Variants in STX16 observed in about 807,000 individuals in gnomAD.
STX16 encodes the protein syntaxin 16.
In STX16, 28 loss-of-function variants were observed where a neutral mutation model predicts 42.7. That is an observed-to-expected ratio of 0.66 (90% CI 0.49 to 0.90). The LOEUF is 0.90. Ranked by LOEUF, STX16 falls within the 40% of genes least tolerant of loss-of-function variation. STX16 has a pLI of 0.00. For synonymous variants in STX16, 156 were observed against 155.2 expected, an observed-to-expected ratio of 1.00 and a Z score of -0.04; for missense variants, 361 against 420.9, an observed-to-expected ratio of 0.86 and a Z score of 1.24.
Position 58,652,080 on chromosome 20 carries a change from C to T in STX16, c.74C>T (p.Ala25Val). Reference protein sequence around the residue: ...NNSIQNRQLLAEQVSSHITSS... With the variant: ...NNSIQNRQLLVEQVSSHITSS... ...TCCATCCAAAACCGGCAGCTGTTAG[C>T]CGAGCAAGTGAGTAGTCACATCACC... Residue 25 changes from alanine (A) to valine (V), a missense_variant, in exon 1 of 9, where the codon GCC (alanine) becomes GTC (valine). By Grantham distance (64) the Ala-to-Val change is moderately conservative (BLOSUM62 0). Coordinates refer to ENST00000371141, the MANE Select transcript of STX16 (RefSeq NM_001001433.3). The T allele has an allele frequency of 1.2e-6, 2 of 1,614,210 alleles. No homozygotes were observed. Among genetic ancestry groups the T allele is most frequent in the Non-Finnish European group, 1.7e-6 (2 of 1,180,042 alleles).
chr20:58,675,379 C>G (rs922277305), intron 8 of STX16, among the ~76,000 whole-genome samples: 1 of 152,232 alleles, frequency 6.6e-6, no homozygotes, highest in Non-Finnish European at 1.5e-5. Context: ...ACGTGCCTCC[C>G]GGCGCCCTCT....
chr20:58,665,193 C>T (rs186144832), intron 2 of STX16, among the ~76,000 whole-genome samples: 1 of 152,320 alleles, frequency 6.6e-6, no homozygotes, highest in Admixed American at 6.5e-5. Flanking sequence ...CCTCTCTGTG[C>T]CTGCTCTGTA....
intron 3 of STX16, 45 bp downstream of exon 3, chr20:58,667,642 T>TTA (rs1568823044): frequency 1.3e-6 from 2 of 1,507,620 alleles, no homozygotes; most frequent in Non-Finnish European, 1.8e-6. Context: ...TTTTAAGTAA[T>TTA]TATGACAATG....
At position 58,657,199 on chromosome 20, in the gene STX16, G is replaced by C. The variant is rs2083604214; in HGVS notation, c.133-2424G>C. ...CTTACATAGTCAATTTTAACTTGCA[G>C]ATTGAAGATTCTAAGTTTTAGTACA... On this transcript the variant is annotated intron_variant, in intron 1 of 8. Coordinates refer to ENST00000371141, the MANE Select transcript of STX16 (RefSeq NM_001001433.3). The surrounding 1 kb of genome is among the most constrained non-coding windows in gnomAD (Gnocchi z 4.2). 6.6e-6 allele frequency among the ~76,000 whole-genome samples: 1 copy of C among 152,206 alleles called. No individual in the cohort carries two copies. Among genetic ancestry groups the C allele is most frequent in the Non-Finnish European group, 1.5e-5 (1 of 68,046 alleles).
intron 5 of STX16, among the ~76,000 whole-genome samples, chr20:58,670,248 G>A (rs1407484087): frequency 1.3e-5 from 2 of 152,212 alleles, no homozygotes; most frequent in African/African-American, 4.8e-5. Context: ...AGATGGTTGT[G>A]TCATTTTTAT....
intron 8 of STX16, among the ~76,000 whole-genome samples, chr20:58,675,268 C>G (rs1443336427): frequency 6.6e-6 from 1 of 152,202 alleles, no homozygotes; most frequent in Non-Finnish European, 1.5e-5. Flanking sequence ...GGGGATGGAG[C>G]AGGAGAGATT....
chr20:58,675,752 C>T (rs2084100726), intron 8 of STX16, among the ~76,000 whole-genome samples: 1 of 152,210 alleles, frequency 6.6e-6, no homozygotes, highest in Admixed American at 6.5e-5. Context: ...CTGCCAGGTA[C>T]GGTCCTCCAG....
At chr20:58,670,373 G>T in intron 5 of STX16, 139 bp from the exon 6 acceptor site, 1 of 632,554 alleles carries the variant, frequency 1.6e-6, no homozygotes, top group Non-Finnish European at 2.8e-6. Flanking sequence ...ACCCCCATTG[G>T]AGATAGGCTT....
chr20:58,669,678 T>G (rs2083925176), intron 5 of STX16, among the ~76,000 whole-genome samples: 1 of 152,152 alleles, frequency 6.6e-6, no homozygotes, highest in East Asian at 1.9e-4. Flanking sequence ...GGCACCAAGA[T>G]AGTTCAGCAT....
intron 1 of STX16, among the ~76,000 whole-genome samples, chr20:58,654,786 C>G (rs757993744): frequency 9.2e-5 from 14 of 152,100 alleles, no homozygotes; most frequent in Non-Finnish European, 1.6e-4. Context: ...TTAGAGATGC[C>G]TACTGAAATG....
chr20:58,668,462 G>C (rs2083892224), intron 4 of STX16, among the ~76,000 whole-genome samples: 1 of 152,068 alleles, frequency 6.6e-6, no homozygotes, highest in Admixed American at 6.5e-5. Context: ...CTAAATTATA[G>C]TCCTCATAAT....
At chr20:58,661,270 G>A (rs1022415490) in intron 2 of STX16, among the ~76,000 whole-genome samples, 1 of 152,204 alleles carries the variant, frequency 6.6e-6, no homozygotes, top group Non-Finnish European at 1.5e-5. Flanking sequence ...TAATTACTTC[G>A]GGGTCTGCTG....
chr20:58,665,643 A>AGAAGGTAGT (rs1491366968), intron 2 of STX16, among the ~76,000 whole-genome samples: 3 of 152,238 alleles, frequency 2.0e-5, no homozygotes, highest in Non-Finnish European at 4.4e-5. Flanking sequence ...GAAACCAAAC[A>AGAAGGTAGT]GAAGGTAGTG....
chr20:58,674,131 T>C (rs1187778483), intron 8 of STX16, among the ~76,000 whole-genome samples: 1 of 152,234 alleles, frequency 6.6e-6, no homozygotes, highest in Non-Finnish European at 1.5e-5. Flanking sequence ...CCTGATGAAT[T>C]GCTGATGGAG....
Position 58,669,397 on chromosome 20 carries a change from A to G in STX16, c.500A>G (p.Gln167Arg). The part of the protein sequence containing the change: ...LLGNVVASLA[Q>R]ALQELSTSFR... Reference sequence around the variant, plus strand: ...GGGAACGTGGTGGCCTCGCTGGCGCAGGCCCTGCAGGAACTCTCCACCAGC... The same window carrying G: ...GGGAACGTGGTGGCCTCGCTGGCGCGGGCCCTGCAGGAACTCTCCACCAGC... The change falls in exon 5 of 9, where the codon CAG (glutamine) becomes CGG (arginine). Residue 167 changes from glutamine to arginine, a missense_variant. By Grantham distance (43) the Gln-to-Arg change is conservative (BLOSUM62 1). Coordinates refer to ENST00000371141, the MANE Select transcript of STX16 (RefSeq NM_001001433.3). 3 of 1,612,318 alleles carry G rather than the reference A, an allele frequency of 1.9e-6. No individual in the cohort carries two copies. Among genetic ancestry groups the G allele is most frequent in the East Asian group, 2.2e-5 (1 of 44,834 alleles).
At chr20:58,673,045 C>T (rs1019688408) in intron 7 of STX16, among the ~76,000 whole-genome samples, 10 of 152,238 alleles carry the variant, frequency 6.6e-5, no homozygotes, top group South Asian at 4.2e-4. Flanking sequence ...CCAGTGTCCC[C>T]GTCTTCCAAT....
intron 1 of STX16, among the ~76,000 whole-genome samples, chr20:58,655,594 A>G (rs2083568298): frequency 6.6e-6 from 1 of 152,168 alleles, no homozygotes; most frequent in Non-Finnish European, 1.5e-5. Flanking sequence ...GGTGTATGAC[A>G]ATGATGGAAA....
chr20:58,675,940 A>C (rs1477947135), intron 8 of STX16, among the ~76,000 whole-genome samples: 1 of 152,156 alleles, frequency 6.6e-6, no homozygotes, highest in Non-Finnish European at 1.5e-5. Context: ...GCTTTGTCTT[A>C]GTAGTAGGTT....
chr20:58,673,512 CAG>C, intron 7 of STX16, 117 bp from the exon 8 acceptor site: 1 of 694,444 alleles, frequency 1.4e-6, no homozygotes, highest in Non-Finnish European at 2.5e-6. Flanking sequence ...CTGCAGCACA[CAG>C]GGAAGGAAAA....
Sources: gnomAD v4.1 joint callset for allele counts (sites outside exome capture counted in the v4.1 genomes callset) on GRCh38, gnomAD v4.1.1 for gene constraint, Gnocchi (gnomAD v3.1) non-coding constraint, MANE v1.5 for transcripts, NCBI Gene and HGNC (gene_info 2026-07-23, HGNC 2026-07-21) for gene names.